The following CNTLN variants were observed in gnomAD, a reference collection of about 807,000 sequenced individuals.
The protein encoded by CNTLN is centlein, centrosomal protein.
In CNTLN, 212 loss-of-function variants were observed where a neutral mutation model predicts 180.0. That is an observed-to-expected ratio of 1.18 (90% CI 1.05 to 1.32). The LOEUF (loss-of-function observed/expected upper bound fraction) is 1.32. CNTLN is among the 40% of genes most tolerant of loss of function. The pLI is 0.00. For missense variants in CNTLN, 2,095 were observed against 1,610.9 expected (o/e 1.30, Z -5.14); for synonymous variants, 722 against 563.1 (o/e 1.28, Z -3.99).
At chr9:17,372,569 C>A (rs904065760) in intron 13 of CNTLN, among the ~76,000 whole-genome samples, 1 of 152,118 alleles carries the variant, frequency 6.6e-6, no homozygotes, top group Non-Finnish European at 1.5e-5. Context: ...TAACTCCAAT[C>A]CTACTCAAGC....
intron 25 of CNTLN, among the ~76,000 whole-genome samples, chr9:17,499,791 C>G (rs973720340): frequency 6.6e-6 from 1 of 151,870 alleles, no homozygotes; most frequent in Non-Finnish European, 1.5e-5. Flanking sequence ...TATGACTGAG[C>G]CTTATGTATT....
In CNTLN at chr9:17,247,779, CTTTTTT is replaced by C. The variant is rs572267371; in HGVS notation, c.849+11202_849+11207del. Among the ~76,000 whole-genome samples, 311 of 108,474 alleles carry C rather than the reference CTTTTTT, an allele frequency of 2.9e-3. 4 individuals are homozygous for C. In the South Asian group the frequency reaches 0.047, roughly 16 times the overall value. 71.2% of individuals were successfully genotyped at this position (108,474 alleles called of 152,430 possible). A position where few individuals can be genotyped will look rare whatever the true frequency, so the allele number is the denominator to read the frequency against. ...TATTGGATTTTGCCAAATACTTTTA[CTTTTTT>C]TTTTTTTTTTGCATCTATTGAAATG... On this transcript the variant is annotated intron_variant, in intron 5 of 25. Coordinates refer to ENST00000380647, the MANE Select transcript of CNTLN (RefSeq NM_017738.4).
intron 6 of CNTLN, among the ~76,000 whole-genome samples, chr9:17,285,056 A>C (rs998545961): frequency 6.6e-6 from 1 of 150,646 alleles, no homozygotes; most frequent in Non-Finnish European, 1.5e-5. Context: ...CACATTGTGC[A>C]GGTTAGTTAC....
chr9:17,195,421 GT>G (rs1280955695), intron 2 of CNTLN, among the ~76,000 whole-genome samples: 2 of 151,672 alleles, frequency 1.3e-5, no homozygotes, highest in Admixed American at 6.6e-5. Context: ...GAAGACTATT[GT>G]TTTTTTCCTT....
At chr9:17,480,105 C>T (rs1012165292) in intron 23 of CNTLN, among the ~76,000 whole-genome samples, 1 of 152,020 alleles carries the variant, frequency 6.6e-6, no homozygotes, top group Non-Finnish European at 1.5e-5. Flanking sequence ...ACAGGATGAT[C>T]ACTTGAGCCT....
rs1824722732 is a variant in CNTLN, at chr9:17,230,202, T to C, written c.534+3915T>C. 2.0e-5 allele frequency among the ~76,000 whole-genome samples: 3 copies of C among 152,180 alleles called. No homozygotes were observed. The South Asian group carries it at 6.2e-4, about 31-fold the overall frequency. ...TTGCACTTGTGATTGGCTGAATGCT[T>C]GGCTGCTGTGATTGGCTGAGACTCG... On this transcript the variant is annotated intron_variant, in intron 3 of 25. Transcript: ENST00000380647.
chr9:17,172,094 A>T (rs1820456919), intron 2 of CNTLN, among the ~76,000 whole-genome samples: 1 of 152,004 alleles, frequency 6.6e-6, no homozygotes, highest in South Asian at 2.1e-4. Flanking sequence ...TCTGTTGCAT[A>T]TGTGAGGTTG....
chr9:17,421,523 G>A (rs1348090738), intron 18 of CNTLN, among the ~76,000 whole-genome samples: 1 of 151,912 alleles, frequency 6.6e-6, no homozygotes, highest in African/African-American at 2.4e-5. Flanking sequence ...AATCCATTCA[G>A]CTACTATGTA....
chr9:17,190,996 C>G (rs1000673460), intron 2 of CNTLN, among the ~76,000 whole-genome samples: 2 of 152,074 alleles, frequency 1.3e-5, no homozygotes, highest in African/African-American at 2.4e-5. Context: ...CCCTTACTAC[C>G]TCTCATTTTT....
At chr9:17,407,240 T>G (rs1471424266) in intron 15 of CNTLN, among the ~76,000 whole-genome samples, 1 of 152,206 alleles carries the variant, frequency 6.6e-6, no homozygotes, top group Admixed American at 6.5e-5. Flanking sequence ...CTATAGTTGG[T>G]GTTTTTGAAA....
rs555538812 is a variant in CNTLN at position 17,314,009 on chromosome 9, C to T, written c.1341+4757C>T. On this transcript the variant is annotated intron_variant, in intron 8 of 25. Transcript: ENST00000380647. ...TTGGCCTCCTGAAGTGCTAGGATTA[C>T]AGGCGTGAGCCACTGTGCCCGGCCA... Among the ~76,000 whole-genome samples, 5 of 152,288 alleles carry T rather than the reference C, an allele frequency of 3.3e-5. No homozygotes were observed. The South Asian group carries it at 8.3e-4, about 25-fold the overall frequency.
chr9:17,456,411 C>T (rs1380688778), intron 18 of CNTLN, among the ~76,000 whole-genome samples: 1 of 151,988 alleles, frequency 6.6e-6, no homozygotes, highest in African/African-American at 2.4e-5. Context: ...GTTACCAAAA[C>T]AGTTTGATCT....
At chr9:17,334,538 A>C (rs1414154620) in intron 10 of CNTLN, among the ~76,000 whole-genome samples, 1 of 152,178 alleles carries the variant, frequency 6.6e-6, no homozygotes, top group Non-Finnish European at 1.5e-5. Context: ...GTGATAATGG[A>C]GGCTCAGAAG....
chr9:17,143,875 C>G (rs1474029888), intron 2 of CNTLN, among the ~76,000 whole-genome samples: 1 of 152,104 alleles, frequency 6.6e-6, no homozygotes, highest in Non-Finnish European at 1.5e-5. Context: ...TAGGAACTGC[C>G]CAGTCATTTA....
chr9:17,231,020 C>T (rs1259065109), intron 3 of CNTLN, among the ~76,000 whole-genome samples: 1 of 152,098 alleles, frequency 6.6e-6, no homozygotes, highest in Non-Finnish European at 1.5e-5. Flanking sequence ...ATTTTCATGT[C>T]TGTCTCTTCA....
At chr9:17,258,137 C>T (rs1196499789) in intron 5 of CNTLN, among the ~76,000 whole-genome samples, 3 of 147,606 alleles carry the variant, frequency 2.0e-5, no homozygotes, top group Non-Finnish European at 4.5e-5. Context: ...TTTAATCCAT[C>T]TTGAATTGAT....
intron 15 of CNTLN, among the ~76,000 whole-genome samples, chr9:17,404,284 GCATAGGTC>G (rs1159947960): frequency 6.6e-6 from 1 of 151,718 alleles, no homozygotes; most frequent in Non-Finnish European, 1.5e-5. Context: ...CTCCAAGAAT[GCATAGGTC>G]CAGGAATAAA....
intron 12 of CNTLN, among the ~76,000 whole-genome samples, chr9:17,361,830 C>T (rs546709227): frequency 5.9e-5 from 9 of 152,248 alleles, no homozygotes; most frequent in South Asian, 2.1e-4. Context: ...GTCCAGTGGC[C>T]GAATACAGTT....
At chr9:17,303,249 A>G (rs1026657220) in intron 7 of CNTLN, among the ~76,000 whole-genome samples, 1 of 152,214 alleles carries the variant, frequency 6.6e-6, no homozygotes, top group African/African-American at 2.4e-5. Flanking sequence ...TCTTATCCCT[A>G]AAAGCCTCGG....
Sources: gnomAD v4.1 joint callset for allele counts (sites outside exome capture counted in the v4.1 genomes callset) on GRCh38, gnomAD v4.1.1 for gene constraint, MANE v1.5 for transcripts, NCBI Gene and HGNC (gene_info 2026-07-23, HGNC 2026-07-21) for gene names.